The following PPFIA2 variants were observed in gnomAD, a reference collection of about 807,000 sequenced individuals.
PPFIA2 encodes the protein liprin-alpha-2.
PPFIA2 carries 46 observed loss-of-function variants against 175.5 expected under a neutral mutation model. The observed-to-expected ratio is 0.26, with a 90% CI of 0.21 to 0.34. The LOEUF is 0.34. PPFIA2 is among the 10% of genes least tolerant of loss of function. The pLI, the probability that PPFIA2 is intolerant of heterozygous loss-of-function variation, is 1.00. For missense variants in PPFIA2, 1,179 were observed against 1,506.1 expected (o/e 0.78, Z 3.60); for synonymous variants, 568 against 511.4 (o/e 1.11, Z -1.49).
intron 7 of PPFIA2, among the ~76,000 whole-genome samples, chr12:81,422,739 C>T (rs2046497845): frequency 6.6e-6 from 1 of 152,058 alleles, no homozygotes; most frequent in African/African-American, 2.4e-5. Context: ...GTCCCTCCCA[C>T]AACACGTGGG....
At chr12:81,645,190 A>AGAAG (rs898209332) in intron 4 of PPFIA2, among the ~76,000 whole-genome samples, 37 of 152,046 alleles carry the variant, frequency 2.4e-4, no homozygotes, top group East Asian at 7.7e-4. Context: ...AGGGAAAGAG[A>AGAAG]GAAGGAAGGA....
chr12:81,372,529 A>C (rs200040422), intron 11 of PPFIA2, among the ~76,000 whole-genome samples: 9,192 of 146,198 alleles, frequency 0.063, 398 homozygotes, highest in African/African-American at 0.13. Flanking sequence ...AAAAAAAAAA[A>C]CAGATATAAA....
intron 14 of PPFIA2, among the ~76,000 whole-genome samples, chr12:81,363,845 T>C (rs1387659425): frequency 6.6e-6 from 1 of 151,942 alleles, no homozygotes. Context: ...CTTTAAAATG[T>C]TCAATAGTTT....
intron 4 of PPFIA2, among the ~76,000 whole-genome samples, chr12:81,628,375 C>CTTTTTTT (rs1194281160): frequency 1.6e-5 from 2 of 127,436 alleles, no homozygotes. Flanking sequence ...CTTTCTTTTA[C>CTTTTTTT]CTTTTTTTTT....
At chr12:81,545,967 T>C (rs1160510251) in intron 4 of PPFIA2, 2 of 151,630 alleles carry the variant, frequency 1.3e-5, no homozygotes, top group Non-Finnish European at 2.9e-5. Flanking sequence ...CTACCAAAAA[T>C]ACAAAAATTA....
chr12:81,466,675 G>T (rs567524619), intron 4 of PPFIA2, among the ~76,000 whole-genome samples: 112 of 151,886 alleles, frequency 7.4e-4, no homozygotes, highest in African/African-American at 2.6e-3. Context: ...TTTAAACCCT[G>T]GAGAGCCGGT....
chr12:81,621,670 G>C (rs971347723), intron 4 of PPFIA2, among the ~76,000 whole-genome samples: 9 of 152,126 alleles, frequency 5.9e-5, no homozygotes, highest in African/African-American at 1.9e-4. Context: ...TTGGATATGA[G>C]GGAAATAGGA....
chr12:81,500,223 G>C (rs564003234), intron 4 of PPFIA2, among the ~76,000 whole-genome samples: 2 of 152,230 alleles, frequency 1.3e-5, no homozygotes, highest in East Asian at 1.9e-4. Flanking sequence ...AACTGAGGCA[G>C]GTATTAGAGT....
intron 4 of PPFIA2, among the ~76,000 whole-genome samples, chr12:81,512,608 T>C (rs532144536): frequency 2.3e-4 from 35 of 152,182 alleles, no homozygotes; most frequent in African/African-American, 8.2e-4. Flanking sequence ...TCTCTGGTGG[T>C]GATTTCTGAG....
intron 20 of PPFIA2, among the ~76,000 whole-genome samples, chr12:81,340,005 G>A (rs552830194): frequency 2.6e-5 from 4 of 152,126 alleles, no homozygotes; most frequent in East Asian, 3.9e-4. Flanking sequence ...ATTTGACACC[G>A]TATTAATAGG....
rs867666832 is a variant in PPFIA2 at position 81,726,250 on chromosome 12, C to T, written c.249+27723G>A. Among the ~76,000 whole-genome samples, 13 of 151,350 alleles carry T rather than the reference C, an allele frequency of 8.6e-5. No individual in the cohort carries two copies. In the South Asian group the frequency reaches 1.0e-3, roughly 12 times the overall value. On this transcript the variant is annotated intron_variant, in intron 3 of 32. Transcript: ENST00000549396. The stretch of plus-strand genomic sequence containing the variant: ...ACTCCAGGAAGTCCCATCCCTCTCT[C>T]ATAAATCACAAATGTATGGTTCTCA...
intron 4 of PPFIA2, among the ~76,000 whole-genome samples, chr12:81,595,153 A>C (rs2059108387): frequency 6.6e-6 from 1 of 151,876 alleles, no homozygotes; most frequent in African/African-American, 2.4e-5. Context: ...GTTATTTACA[A>C]AGATAAAGCT....
intron 4 of PPFIA2, among the ~76,000 whole-genome samples, chr12:81,653,208 T>C (rs2067271818): frequency 6.6e-6 from 1 of 152,274 alleles, no homozygotes; most frequent in Middle Eastern, 3.4e-3. Flanking sequence ...AATTCCATAG[T>C]ACTTCCACTT....
At chr12:81,264,714 C>G (rs1282749295) in intron 30 of PPFIA2, among the ~76,000 whole-genome samples, 1 of 152,072 alleles carries the variant, frequency 6.6e-6, no homozygotes, top group African/African-American at 2.4e-5. Flanking sequence ...CTGTTTCAAT[C>G]CTTATCATCA....
rs1411924550 is a variant in PPFIA2, at chr12:81,630,899, A to ATATATT, written c.303+45891_303+45892insAATATA. Among the ~76,000 whole-genome samples, 7 of 106,478 alleles carry ATATATT rather than the reference A, an allele frequency of 6.6e-5. No homozygotes were observed. In the East Asian group the frequency reaches 7.1e-4, roughly 11 times the overall value. 69.9% of individuals were successfully genotyped at this position (106,478 alleles called of 152,430 possible). On this transcript the variant is annotated intron_variant, in intron 4 of 32. Transcript: ENST00000549396. Reference sequence around the variant, plus strand: ...GGAAAGGCTATATATATATATATATATTTTTTTTTTTTTTCCAGACAGAGT... The same window carrying ATATATT: ...GGAAAGGCTATATATATATATATATATATATTTTTTTTTTTTTTTTCCAGACAGAGT...
At chr12:81,259,890 A>T in intron 32 of PPFIA2, 1 of 386,682 alleles carries the variant, frequency 2.6e-6, no homozygotes, top group Non-Finnish European at 4.6e-6. Context: ...AACTTTGTGG[A>T]AAGTATGGCA....
chr12:81,680,618 A>G (rs138498757), intron 3 of PPFIA2, among the ~76,000 whole-genome samples: 1 of 152,050 alleles, frequency 6.6e-6, no homozygotes, highest in Non-Finnish European at 1.5e-5. Context: ...AGGAGCTTTT[A>G]CATAGCTATT....
At chr12:81,696,315 G>C (rs750063325) in intron 3 of PPFIA2, among the ~76,000 whole-genome samples, 2 of 152,030 alleles carry the variant, frequency 1.3e-5, no homozygotes, top group Non-Finnish European at 1.5e-5. Flanking sequence ...ATTTTGATTT[G>C]CACATTGGCA....
At chr12:81,658,512 A>G (rs2068170779) in intron 4 of PPFIA2, among the ~76,000 whole-genome samples, 2 of 152,024 alleles carry the variant, frequency 1.3e-5, no homozygotes, top group Non-Finnish European at 2.9e-5. Context: ...TTTTTTCCAG[A>G]AAAACATCTA....
Sources: allele counts gnomAD v4.1 joint callset (sites outside exome capture counted in the v4.1 genomes callset), GRCh38; gene constraint gnomAD v4.1.1; transcripts MANE v1.5; gene names NCBI Gene and HGNC (gene_info 2026-07-23, HGNC 2026-07-21).